Variants in DNAAF9 observed in about 807,000 individuals in gnomAD.
DNAAF9 encodes shulin.
DNAAF9 carries 90 observed loss-of-function variants against 167.0 expected under a neutral mutation model. The ratio of observed to expected loss-of-function variants is 0.54; its 90% CI spans 0.45 to 0.64. The LOEUF (loss-of-function observed/expected upper bound fraction) is 0.64, where lower values mean the gene tolerates loss of function less well. DNAAF9 is among the 30% of genes least tolerant of loss of function. The pLI is 0.00. For synonymous variants in DNAAF9, 491 were observed against 508.8 expected (o/e 0.96, Z 0.47); for missense variants, 1,315 against 1,442.2 (o/e 0.91, Z 1.43).
chr20:3,379,863 G>C (rs1245370921), intron 3 of DNAAF9, among the ~76,000 whole-genome samples: 1 of 152,070 alleles, frequency 6.6e-6, no homozygotes, highest in African/African-American at 2.4e-5. Context: ...TTCGAGACCA[G>C]CCTGGCCAAC....
chr20:3,372,915 A>C (rs933686178), intron 6 of DNAAF9, among the ~76,000 whole-genome samples: 4 of 152,180 alleles, frequency 2.6e-5, no homozygotes, highest in Non-Finnish European at 5.9e-5. Flanking sequence ...AAAAATAAAT[A>C]TTACCATTAT....
intron 31 of DNAAF9, 40 bp downstream of exon 31, chr20:3,264,398 T>C: frequency 1.1e-6 from 1 of 891,378 alleles, no homozygotes; most frequent in East Asian, 2.4e-5. Context: ...TCATTGGGTT[T>C]ACAAAAAAAT....
chr20:3,356,184 A>C (rs907489249), intron 7 of DNAAF9, among the ~76,000 whole-genome samples: 5 of 152,064 alleles, frequency 3.3e-5, no homozygotes, highest in African/African-American at 4.8e-5. Context: ...TGCTCAGCTA[A>C]TTTTTGTATT....
intron 21 of DNAAF9, among the ~76,000 whole-genome samples, chr20:3,299,055 C>T (rs186859899): frequency 3.6e-4 from 54 of 149,588 alleles, no homozygotes; most frequent in African/African-American, 1.1e-3. Flanking sequence ...ACTACAGGTC[C>T]GTGCCACCAT....
At chr20:3,306,351 C>T (rs1278852964) in intron 20 of DNAAF9, among the ~76,000 whole-genome samples, 3 of 152,192 alleles carry the variant, frequency 2.0e-5, no homozygotes, top group African/African-American at 4.8e-5. Context: ...ATATTCTTCT[C>T]ATCCACATCA....
Position 3,264,530 on chromosome 20 carries a change from A to C in DNAAF9, c.2787-6T>G. On this transcript the variant is annotated splice_polypyrimidine_tract_variant and splice_region_variant and intron_variant, in intron 30 of 36. Transcript: ENST00000252032. ...TCAGCTCAATGTCTTCATTCCTTTGAAAACACACAGAAAAGACCTAGATTA... is the reference window on the plus strand; with the variant it reads ...TCAGCTCAATGTCTTCATTCCTTTGCAAACACACAGAAAAGACCTAGATTA... 1.4e-6 allele frequency: 2 copies of C among 1,422,494 alleles called. No individual in the cohort carries two copies. Among genetic ancestry groups the C allele is most frequent in the Non-Finnish European group, 2.0e-6 (2 of 1,007,202 alleles). 88.1% of individuals were successfully genotyped at this position (1,422,494 alleles called of 1,614,324 possible).
At chr20:3,335,271 G>C (rs746170990) in intron 10 of DNAAF9, among the ~76,000 whole-genome samples, 2 of 151,978 alleles carry the variant, frequency 1.3e-5, no homozygotes, top group African/African-American at 4.8e-5. Flanking sequence ...CTTTTAGGTA[G>C]GTCTTCCAGC....
intron 1 of DNAAF9, among the ~76,000 whole-genome samples, chr20:3,383,186 A>C (rs2123249476): frequency 6.6e-6 from 1 of 150,488 alleles, no homozygotes; most frequent in Middle Eastern, 3.4e-3. Flanking sequence ...GAGGCGCCCG[A>C]TTTCCTGCTC....
intron 20 of DNAAF9, among the ~76,000 whole-genome samples, chr20:3,304,777 T>C (rs2069259520): frequency 6.6e-6 from 1 of 152,202 alleles, no homozygotes. Flanking sequence ...AACAAGTGAA[T>C]AAACTATCAG....
chr20:3,284,688 T>G (rs2068821360), intron 27 of DNAAF9, among the ~76,000 whole-genome samples: 2 of 152,248 alleles, frequency 1.3e-5, no homozygotes, highest in Admixed American at 6.5e-5. Context: ...ATGTTTGCAA[T>G]TTAAGCCTAC....
At chr20:3,390,282 GAA>G (rs2083808663) in intron 1 of DNAAF9, among the ~76,000 whole-genome samples, 1 of 150,200 alleles carries the variant, frequency 6.7e-6, no homozygotes, top group Non-Finnish European at 1.5e-5. Context: ...TTGAGAAGAA[GAA>G]AAAAGATAAA....
intron 8 of DNAAF9, among the ~76,000 whole-genome samples, chr20:3,347,450 AG>A (rs1344007723): frequency 6.6e-6 from 1 of 152,220 alleles, no homozygotes; most frequent in African/African-American, 2.4e-5. Context: ...GTCTACACAA[AG>A]GAATGAAGAG....
chr20:3,347,663 C>T (rs2070221393), intron 8 of DNAAF9, among the ~76,000 whole-genome samples: 1 of 151,786 alleles, frequency 6.6e-6, no homozygotes, highest in African/African-American at 2.4e-5. Flanking sequence ...TGCGATGGCT[C>T]ACGCCTGTAA....
intron 31 of DNAAF9, among the ~76,000 whole-genome samples, chr20:3,260,715 C>T (rs142163722): frequency 0.014 from 2,086 of 151,582 alleles, 27 homozygotes; most frequent in Non-Finnish European, 0.021. Context: ...CTGCTATCTC[C>T]GCCTCCTGGG....
chr20:3,396,952 A>G (rs566389633), intron 1 of DNAAF9, among the ~76,000 whole-genome samples: 20 of 152,362 alleles, frequency 1.3e-4, no homozygotes, highest in African/African-American at 4.6e-4. Context: ...AGACCGATTA[A>G]GACTCTACTG....
At position 3,281,890 on chromosome 20, in the gene DNAAF9, C is replaced by G. The variant is rs2068770841; in HGVS notation, c.2487-124G>C. On this transcript the variant is annotated intron_variant, in intron 27 of 36. Transcript: ENST00000252032. ...AAAACCAAAAGGAAGAGCCCGCAAT[C>G]TGGTCCCTTGGTGTCACTCCACTTC... 6 of 885,092 alleles carry G rather than the reference C, an allele frequency of 6.8e-6. No individual in the cohort carries two copies. In the Admixed American group the frequency reaches 1.5e-4, roughly 22 times the overall value. The allele number at this position is 885,092 out of a possible 1,614,324, so 54.8% of individuals were successfully genotyped here. A position where few individuals can be genotyped will look rare whatever the true frequency, so the allele number is the denominator to read the frequency against.
At position 3,270,600 on chromosome 20, in the gene DNAAF9, C is replaced by T. The variant is rs750183250; in HGVS notation, c.2651-38G>A. On this transcript the variant is annotated intron_variant, in intron 29 of 36. Coordinates refer to ENST00000252032, the MANE Select transcript of DNAAF9 (RefSeq NM_001009984.3). ...CCAAGGACAGTTTAGCCTTCACAGTCCTGGTTAGGGGTGAAGGCTCACACA... is the reference window on the plus strand; with the variant it reads ...CCAAGGACAGTTTAGCCTTCACAGTTCTGGTTAGGGGTGAAGGCTCACACA... 7 of 1,601,564 alleles carry T rather than the reference C, an allele frequency of 4.4e-6. No homozygotes were observed. The Admixed American group carries it at 1.0e-4, about 23-fold the overall frequency.
chr20:3,277,751 G>A (rs887925250), intron 29 of DNAAF9, among the ~76,000 whole-genome samples: 1 of 152,106 alleles, frequency 6.6e-6, no homozygotes, highest in African/African-American at 2.4e-5. Context: ...GAGGTGCAGT[G>A]CCTAGAAAGT....
In DNAAF9 at chr20:3,259,511, G is replaced by A; in HGVS notation, c.3024C>T (p.Ile1008=). 1 of 1,612,898 alleles carries A rather than the reference G, an allele frequency of 6.2e-7. No homozygotes were observed. The change falls in exon 33 of 37, where the codon ATC becomes ATT. Residue 1008 remains isoleucine (I), a synonymous_variant. Transcript: ENST00000252032. ...SIKPSPFSGN[I]YHILGKVKFS... ...ACTTCACTTTGCCCAGGATGTGGTA[G>A]ATGTTTCCGGAGAAGGGACTTGGCT...
Sources: allele counts gnomAD v4.1 joint callset (sites outside exome capture counted in the v4.1 genomes callset), GRCh38; gene constraint gnomAD v4.1.1; transcripts MANE v1.5; gene names NCBI Gene and HGNC (gene_info 2026-07-23, HGNC 2026-07-21).